ZC4H2: variants seen among roughly 807,000 people sequenced by gnomAD.
ZC4H2 encodes the protein zinc finger C4H2-type containing.
For missense variants in ZC4H2, 137 were observed against 173.9 expected (o/e 0.79, Z 1.19); for synonymous variants, 84 against 66.3 (o/e 1.27, Z -1.30).
chrX:64,932,744 G>A (rs757376074), intron 1 of ZC4H2, among the ~76,000 whole-genome samples: 1 of 111,394 alleles, frequency 9.0e-6, no homozygotes, highest in Non-Finnish European at 1.9e-5. Context: ...TAATCTGATA[G>A]GTTTTGCTTT....
At chrX:64,923,469 C>T (rs906265341) in intron 1 of ZC4H2, among the ~76,000 whole-genome samples, 4 of 109,632 alleles carry the variant, frequency 3.6e-5, no homozygotes, top group Non-Finnish European at 7.6e-5. Context: ...CTGCCCCAGT[C>T]TATCCTATGG....
intron 1 of ZC4H2, among the ~76,000 whole-genome samples, chrX:64,986,920 TC>T (rs1932197659): frequency 1.0e-5 from 1 of 99,280 alleles, no homozygotes; most frequent in South Asian, 4.4e-4. Flanking sequence ...ACAAGATAAT[TC>T]TTTTTTTTTT....
chrX:65,021,171 G>A (rs1221706426), intron 1 of ZC4H2, among the ~76,000 whole-genome samples: 2 of 110,571 alleles, frequency 1.8e-5, no homozygotes, highest in Admixed American at 9.6e-5. Context: ...TGGACCAAGT[G>A]GACCTAATAG....
In ZC4H2 at chrX:64,938,769, G is replaced by A. The variant is rs141766913; in HGVS notation, c.54-16781C>T. Among the ~76,000 whole-genome samples, 134 of 111,626 alleles carry A rather than the reference G, an allele frequency of 1.2e-3. 1 individual carries two copies. Among genetic ancestry groups the A allele is most frequent in the African/African-American group, 4.3e-3 (132 of 30,684 alleles). Reference sequence around the variant, plus strand: ...ATGCTAAAAACTCTCAATAAACCAGGTATCAATGAAATGTATCTCAAAATA... The same window carrying A: ...ATGCTAAAAACTCTCAATAAACCAGATATCAATGAAATGTATCTCAAAATA... On this transcript the variant is annotated intron_variant, in intron 1 of 4. Transcript: ENST00000374839.
At chrX:64,998,015 A>G (rs889017072) in intron 1 of ZC4H2, among the ~76,000 whole-genome samples, 4 of 112,107 alleles carry the variant, frequency 3.6e-5, no homozygotes, top group Admixed American at 9.5e-5. Flanking sequence ...CATGGTAACC[A>G]TAAAATATCT....
At chrX:64,920,836 A>T (rs1332209933) in intron 2 of ZC4H2, among the ~76,000 whole-genome samples, 1 of 112,230 alleles carries the variant, frequency 8.9e-6, no homozygotes, top group East Asian at 2.8e-4. Context: ...AAAATCAGAA[A>T]ATCAGGGGTG....
intron 1 of ZC4H2, among the ~76,000 whole-genome samples, chrX:64,984,289 G>C (rs1244344777): frequency 8.9e-6 from 1 of 112,236 alleles, no homozygotes; most frequent in African/African-American, 3.2e-5. Flanking sequence ...ATTGAGAACA[G>C]AAGGTTTTCA....
chrX:65,034,082 T>C (rs6524953), intron 1 of ZC4H2, among the ~76,000 whole-genome samples: 21,574 of 98,629 alleles, frequency 0.22, 6,942 homozygotes, highest in African/African-American at 0.8. Context: ...GAGTAAGACT[T>C]TGTCAAAAAA....
chrX:64,993,391 C>T (rs1932348047), intron 1 of ZC4H2, among the ~76,000 whole-genome samples: 1 of 111,043 alleles, frequency 9.0e-6, no homozygotes, highest in Non-Finnish European at 1.9e-5. Context: ...GTCTTTGTGT[C>T]CTCCTAAAAA....
At chrX:64,953,339 A>G (rs1463895552) in intron 1 of ZC4H2, among the ~76,000 whole-genome samples, 1 of 112,247 alleles carries the variant, frequency 8.9e-6, no homozygotes, top group East Asian at 2.8e-4. Context: ...AGTAAACTAA[A>G]GAGCTTCTGG....
chrX:64,948,337 A>G (rs990084515), intron 1 of ZC4H2, among the ~76,000 whole-genome samples: 2 of 111,203 alleles, frequency 1.8e-5, no homozygotes, highest in Non-Finnish European at 3.8e-5. Context: ...CTGGCAGTAA[A>G]TGGCAATATT....
chrX:65,016,713 A>G (rs993219760), intron 1 of ZC4H2, among the ~76,000 whole-genome samples: 2 of 112,209 alleles, frequency 1.8e-5, no homozygotes, highest in African/African-American at 6.5e-5. Context: ...GCATCATGTT[A>G]TTATTAGTTG....
rs767706477 is a variant in ZC4H2, at chrX:64,919,239, G to A, written c.399-35C>T. The stretch of plus-strand genomic sequence containing the variant: ...TGAGAGACACTGGCTAGATCATTCT[G>A]AAAGCAATGAGAACCTTGCTCCTCT... On this transcript the variant is annotated intron_variant, in intron 3 of 4. Coordinates refer to ENST00000374839, the MANE Select transcript of ZC4H2 (RefSeq NM_018684.4). 43 of 1,199,202 alleles carry A rather than the reference G, an allele frequency of 3.6e-5. No individual in the cohort carries two copies. In the South Asian group the frequency reaches 6.2e-4, roughly 17 times the overall value.
intron 1 of ZC4H2, among the ~76,000 whole-genome samples, chrX:64,983,582 A>G (rs1039246190): frequency 8.9e-6 from 1 of 111,854 alleles, no homozygotes; most frequent in Non-Finnish European, 1.9e-5. Flanking sequence ...TATGAAAATC[A>G]TGTTCCCAGT....
intron 1 of ZC4H2, among the ~76,000 whole-genome samples, chrX:64,936,857 C>T (rs752426448): frequency 9.0e-6 from 1 of 111,610 alleles, no homozygotes; most frequent in African/African-American, 3.2e-5. Flanking sequence ...GAAGAAACTG[C>T]AACAAATGGG....
intron 1 of ZC4H2, among the ~76,000 whole-genome samples, chrX:64,943,007 T>C (rs1043213820): frequency 3.6e-5 from 4 of 112,438 alleles, no homozygotes; most frequent in Non-Finnish European, 7.5e-5. Context: ...CCTGACTTTT[T>C]AATGATCACC....
At position 64,919,159 on chromosome X, in the gene ZC4H2, C is replaced by A. The variant is rs746747320; in HGVS notation, c.444G>T (p.Glu148Asp). ...QKAEWQTEPQ[E>D]PPIPESLAAA... The stretch of plus-strand genomic sequence containing the variant: ...CGGCCAGGGACTCAGGGATGGGGGG[C>A]TCCTGAGGTTCTGTCTGCCATTCTG... Residue 148 changes from glutamate (E) to aspartate (D), a missense_variant, in exon 4 of 5, where the codon GAG (glutamate) becomes GAT (aspartate). Coordinates refer to ENST00000374839, the MANE Select transcript of ZC4H2 (RefSeq NM_018684.4). 9.9e-6 allele frequency: 12 copies of A among 1,210,842 alleles called. No individual in the cohort carries two copies. The South Asian group carries it at 2.1e-4, about 21-fold the overall frequency.
At chrX:64,972,565 C>T (rs1261671379) in intron 1 of ZC4H2, among the ~76,000 whole-genome samples, 1 of 111,701 alleles carries the variant, frequency 9.0e-6, no homozygotes. Flanking sequence ...TTTGTAAGGG[C>T]AGTTAATAAC....
intron 1 of ZC4H2, among the ~76,000 whole-genome samples, chrX:64,935,407 T>A (rs930299045): frequency 8.9e-6 from 1 of 112,100 alleles, no homozygotes; most frequent in African/African-American, 3.2e-5. Flanking sequence ...TTCGGCAGAC[T>A]TAAAGGTCAC....
Sources: allele counts gnomAD v4.1 joint callset (sites outside exome capture counted in the v4.1 genomes callset), GRCh38; gene constraint gnomAD v4.1.1; transcripts MANE v1.5; gene names NCBI Gene and HGNC (gene_info 2026-07-23, HGNC 2026-07-21).